Variants in PLXNA4 observed in about 807,000 individuals in gnomAD.
The protein encoded by PLXNA4 is plexin A4.
A neutral mutation model predicts 191.8 loss-of-function variants in PLXNA4; 44 were observed. The observed-to-expected ratio is 0.23, with a 90% CI of 0.18 to 0.29. The LOEUF (loss-of-function observed/expected upper bound fraction) is 0.29, where lower values mean the gene tolerates loss of function less well. Among genes scored for constraint, PLXNA4 ranks in the 10% least tolerant of loss-of-function variants. The pLI is 1.00. For missense variants in PLXNA4, 1,800 were observed against 2,488.8 expected (o/e 0.72, Z 5.89); for synonymous variants, 1,082 against 1,009.5 (o/e 1.07, Z -1.36).
At chr7:132,290,868 C>T (rs899250619) in intron 4 of PLXNA4, among the ~76,000 whole-genome samples, 2 of 152,218 alleles carry the variant, frequency 1.3e-5, no homozygotes, top group Non-Finnish European at 2.9e-5. Context: ...GGGACCCACA[C>T]GTCCATGATA....
At chr7:132,481,781 G>A (rs958963495) in intron 3 of PLXNA4, among the ~76,000 whole-genome samples, 10 of 152,188 alleles carry the variant, frequency 6.6e-5, no homozygotes, top group African/African-American at 1.9e-4. Context: ...AGCATCTCTT[G>A]TCCATCATCG....
chr7:132,332,896 T>C (rs2116703753), intron 3 of PLXNA4, among the ~76,000 whole-genome samples: 1 of 151,542 alleles, frequency 6.6e-6, no homozygotes, highest in Non-Finnish European at 1.5e-5. Flanking sequence ...AGGACATCCA[T>C]GTTTATAGAC....
intron 3 of PLXNA4, among the ~76,000 whole-genome samples, chr7:132,301,058 G>A (rs993855053): frequency 6.6e-6 from 1 of 152,176 alleles, no homozygotes; most frequent in Non-Finnish European, 1.5e-5. Context: ...AGGTTCCATA[G>A]GCCTGGCCTT....
chr7:132,577,069 C>T (rs1280328831), upstream of PLXNA4: 1 of 146,308 alleles, frequency 6.8e-6, no homozygotes, highest in Non-Finnish European at 1.5e-5. Flanking sequence ...GCTGGGGGGC[C>T]GCGGGAGCCG....
At chr7:132,592,016 G>A (rs1208227414) in intron 2 of PLXNA4, among the ~76,000 whole-genome samples, 1 of 152,144 alleles carries the variant, frequency 6.6e-6, no homozygotes, top group Non-Finnish European at 1.5e-5. Flanking sequence ...GTGAAGGGGT[G>A]AACAAGAGCA....
chr7:132,453,936 C>G (rs1796221124), intron 3 of PLXNA4, among the ~76,000 whole-genome samples: 1 of 152,206 alleles, frequency 6.6e-6, no homozygotes, highest in Non-Finnish European at 1.5e-5. Flanking sequence ...GTCTTTGACC[C>G]ACCGTCAGCA....
chr7:132,314,013 C>T (rs1327134411), intron 3 of PLXNA4, among the ~76,000 whole-genome samples: 2 of 152,178 alleles, frequency 1.3e-5, no homozygotes, highest in Non-Finnish European at 2.9e-5. Context: ...TGTTCTCCCA[C>T]TTCTCATCCC....
chr7:132,391,728 C>T (rs532146018), intron 3 of PLXNA4, among the ~76,000 whole-genome samples: 151 of 152,162 alleles, frequency 9.9e-4, no homozygotes, highest in Non-Finnish European at 1.8e-3. Flanking sequence ...AGTCTCCTGC[C>T]GGGGTCCTCA....
intron 3 of PLXNA4, among the ~76,000 whole-genome samples, chr7:132,359,207 T>C (rs1175051432): frequency 1.4e-5 from 2 of 140,494 alleles, no homozygotes; most frequent in Non-Finnish European, 3.0e-5. Context: ...AAGTCAAGGC[T>C]GCTTTTTTTT....
chr7:132,527,051 G>A (rs2116406481), intron 1 of PLXNA4, among the ~76,000 whole-genome samples: 1 of 152,298 alleles, frequency 6.6e-6, no homozygotes, highest in Admixed American at 6.5e-5. Context: ...GTTAAATCCT[G>A]TTAAATGTCC....
At chr7:132,330,253 A>G (rs1257890251) in intron 3 of PLXNA4, among the ~76,000 whole-genome samples, 4 of 152,204 alleles carry the variant, frequency 2.6e-5, no homozygotes, top group African/African-American at 4.8e-5. Flanking sequence ...CATGGTGGGA[A>G]GAAGGTGAAG....
intron 17 of PLXNA4, 62 bp downstream of exon 17, chr7:132,182,035 C>T: frequency 6.2e-7 from 1 of 1,611,874 alleles, no homozygotes; most frequent in Admixed American, 1.7e-5. Flanking sequence ...AGACCCACAC[C>T]CTTTGGGGAA....
chr7:132,630,207 C>A (rs1296442014), intron 2 of PLXNA4, among the ~76,000 whole-genome samples: 3 of 152,080 alleles, frequency 2.0e-5, no homozygotes, highest in Non-Finnish European at 2.9e-5. Context: ...GCCCTTATGA[C>A]CTCATTTAAC....
intron 3 of PLXNA4, among the ~76,000 whole-genome samples, chr7:132,430,667 A>C (rs1795225130): frequency 2.0e-5 from 3 of 152,216 alleles, no homozygotes; most frequent in African/African-American, 7.2e-5. Context: ...GAGGAGTAAT[A>C]GCTTGAGTGC....
intron 9 of PLXNA4, among the ~76,000 whole-genome samples, chr7:132,213,165 A>G (rs1328292267): frequency 6.6e-6 from 1 of 152,168 alleles, no homozygotes; most frequent in East Asian, 1.9e-4. Context: ...CAAATACTGC[A>G]GGGTTCCACT....
chr7:132,472,823 T>C (rs1014703306), intron 3 of PLXNA4, among the ~76,000 whole-genome samples: 1 of 152,114 alleles, frequency 6.6e-6, no homozygotes, highest in African/African-American at 2.4e-5. Flanking sequence ...GGTGAGGGCG[T>C]GGCCAGCGGG....
intron 1 of PLXNA4, among the ~76,000 whole-genome samples, chr7:132,563,817 TC>T (rs1801531445): frequency 3.5e-5 from 1 of 28,418 alleles, no homozygotes; most frequent in Non-Finnish European, 6.8e-5. Flanking sequence ...TCCTCCTCCT[TC>T]TCCTCCTCCT....
intron 4 of PLXNA4, among the ~76,000 whole-genome samples, chr7:132,264,561 A>T (rs943316987): frequency 6.6e-6 from 1 of 152,008 alleles, no homozygotes; most frequent in Non-Finnish European, 1.5e-5. Context: ...TGCTATACAC[A>T]GGGCGAGCTG....
At chr7:132,469,009 C>T (rs1007781466) in intron 3 of PLXNA4, among the ~76,000 whole-genome samples, 1 of 150,880 alleles carries the variant, frequency 6.6e-6, no homozygotes, top group Non-Finnish European at 1.5e-5. Context: ...GATGTTAGTA[C>T]CAAGGGCTTC....
Sources: allele counts gnomAD v4.1 joint callset (sites outside exome capture counted in the v4.1 genomes callset), GRCh38; gene constraint gnomAD v4.1.1; transcripts MANE v1.5; gene names NCBI Gene and HGNC (gene_info 2026-07-23, HGNC 2026-07-21).